The following CADPS2 variants were observed in gnomAD, a reference collection of about 807,000 sequenced individuals.
CADPS2 encodes the protein calcium-dependent secretion activator 2.
In CADPS2, 93 loss-of-function variants were observed where a neutral mutation model predicts 172.5. The observed-to-expected ratio is 0.54, with a 90% CI of 0.46 to 0.64. The LOEUF (loss-of-function observed/expected upper bound fraction) is 0.64. Among genes scored for constraint, CADPS2 ranks in the 30% least tolerant of loss-of-function variants. The pLI, the probability that CADPS2 is intolerant of heterozygous loss-of-function variation, is 0.00. For missense variants in CADPS2, 1,420 were observed against 1,565.9 expected, an observed-to-expected ratio of 0.91 and a Z score of 1.57; for synonymous variants, 546 against 555.2, an observed-to-expected ratio of 0.98 and a Z score of 0.23.
chr7:122,421,335 C>A (rs1437117753), intron 17 of CADPS2, among the ~76,000 whole-genome samples: 1 of 152,084 alleles, frequency 6.6e-6, no homozygotes, highest in Non-Finnish European at 1.5e-5. Context: ...ATTTAATGAG[C>A]TGATTGTATC....
At chr7:122,386,676 A>T (rs2043725100) in intron 24 of CADPS2, among the ~76,000 whole-genome samples, 1 of 152,096 alleles carries the variant, frequency 6.6e-6, no homozygotes, top group Admixed American at 6.6e-5. Context: ...ACTTTTATAG[A>T]TGCAAACTCT....
intron 8 of CADPS2, among the ~76,000 whole-genome samples, chr7:122,540,917 GA>G (rs1217013285): frequency 6.6e-6 from 1 of 151,952 alleles, no homozygotes; most frequent in Non-Finnish European, 1.5e-5. Context: ...TTTTAATTAA[GA>G]AATAATTTTT....
At chr7:122,698,583 G>A in intron 2 of CADPS2, 1 of 1,614,046 alleles carries the variant, frequency 6.2e-7, no homozygotes, top group Non-Finnish European at 8.5e-7. Flanking sequence ...TTTTCTGTGT[G>A]AAGGTACAAC....
At chr7:122,772,345 C>G (rs1355128398) in intron 1 of CADPS2, among the ~76,000 whole-genome samples, 1 of 152,072 alleles carries the variant, frequency 6.6e-6, no homozygotes, top group Non-Finnish European at 1.5e-5. Context: ...CATTTTGAAA[C>G]CATAAACTGA....
intron 19 of CADPS2, among the ~76,000 whole-genome samples, chr7:122,409,853 G>C (rs1436056481): frequency 6.6e-6 from 1 of 152,146 alleles, no homozygotes; most frequent in Non-Finnish European, 1.5e-5. Context: ...CCACCAGGGA[G>C]GAGAAAACCT....
At chr7:122,664,961 ATTTTT>A (rs3034542) in intron 2 of CADPS2, among the ~76,000 whole-genome samples, 13 of 135,578 alleles carry the variant, frequency 9.6e-5, no homozygotes, top group South Asian at 2.4e-4. Context: ...TAGTTTTTGT[ATTTTT>A]TTTTTTTTTT....
At chr7:122,385,413 T>C (rs547768062) in intron 24 of CADPS2, among the ~76,000 whole-genome samples, 1 of 151,980 alleles carries the variant, frequency 6.6e-6, no homozygotes, top group Non-Finnish European at 1.5e-5. Flanking sequence ...TCACAAGTAG[T>C]AGGCCTTCCC....
At chr7:122,420,432 T>G (rs966130713) in intron 17 of CADPS2, among the ~76,000 whole-genome samples, 2 of 152,248 alleles carry the variant, frequency 1.3e-5, no homozygotes, top group Non-Finnish European at 2.9e-5. Flanking sequence ...TTGAACATAA[T>G]AGCCACTCTA....
intron 1 of CADPS2, among the ~76,000 whole-genome samples, chr7:122,823,812 T>C (rs1262213508): frequency 3.3e-5 from 5 of 152,178 alleles, no homozygotes; most frequent in Non-Finnish European, 7.3e-5. Flanking sequence ...TTGGCACCTG[T>C]TCACCCTTCT....
intron 9 of CADPS2, among the ~76,000 whole-genome samples, chr7:122,503,639 T>C (rs1489803746): frequency 6.6e-6 from 1 of 152,214 alleles, no homozygotes; most frequent in African/African-American, 2.4e-5. Context: ...AATAGTAAGT[T>C]ACTGAATTTA....
At chr7:122,841,765 TAAG>T (rs1310809603) in intron 1 of CADPS2, among the ~76,000 whole-genome samples, 2 of 152,204 alleles carry the variant, frequency 1.3e-5, no homozygotes, top group East Asian at 1.9e-4. Flanking sequence ...AAAACCATTC[TAAG>T]AAGGAAGAAC....
At chr7:122,621,307 A>AATTTGCATTC (rs1435659991) in intron 5 of CADPS2, among the ~76,000 whole-genome samples, 174 bp downstream of exon 5, 1 of 152,178 alleles carries the variant, frequency 6.6e-6, no homozygotes, top group East Asian at 1.9e-4. Context: ...TTTAAAGGAA[A>AATTTGCATTC]ATTTGCATTC....
chr7:122,396,547 C>T (rs1389220688), intron 20 of CADPS2, among the ~76,000 whole-genome samples: 3 of 152,178 alleles, frequency 2.0e-5, no homozygotes, highest in South Asian at 2.1e-4. Context: ...AAAGCCTGAG[C>T]ATGGTATGAA....
chr7:122,384,862 C>G (rs765681151), intron 24 of CADPS2, among the ~76,000 whole-genome samples: 1 of 152,038 alleles, frequency 6.6e-6, no homozygotes, highest in Non-Finnish European at 1.5e-5. Context: ...TTAAGTACTA[C>G]AGCAAGTTGT....
chr7:122,629,855 T>C (rs2076410866), intron 3 of CADPS2, among the ~76,000 whole-genome samples: 1 of 152,160 alleles, frequency 6.6e-6, no homozygotes, highest in South Asian at 2.1e-4. Flanking sequence ...AATCCTTCCA[T>C]TCTTTTAAGG....
intron 2 of CADPS2, among the ~76,000 whole-genome samples, chr7:122,675,430 C>T (rs780839765): frequency 1.6e-4 from 24 of 152,140 alleles, no homozygotes; most frequent in African/African-American, 2.4e-4. Flanking sequence ...CTTTCATTTC[C>T]AGTTATTTTT....
chr7:122,589,847 T>A (rs1171655741), intron 6 of CADPS2, among the ~76,000 whole-genome samples: 2 of 151,924 alleles, frequency 1.3e-5, no homozygotes, highest in African/African-American at 4.8e-5. Flanking sequence ...TATACATGTA[T>A]CTCTATGCTT....
intron 24 of CADPS2, among the ~76,000 whole-genome samples, chr7:122,385,713 T>C (rs1438343670): frequency 6.6e-6 from 1 of 152,174 alleles, no homozygotes; most frequent in African/African-American, 2.4e-5. Context: ...GCCTCTTCCT[T>C]ACCTCTGATG....
At chr7:122,875,883 T>G (rs1468773780) in intron 1 of CADPS2, among the ~76,000 whole-genome samples, 1 of 152,100 alleles carries the variant, frequency 6.6e-6, no homozygotes, top group Non-Finnish European at 1.5e-5. Context: ...AGAGAACCAC[T>G]CTCTCACGTC....
Sources: allele counts gnomAD v4.1 joint callset (sites outside exome capture counted in the v4.1 genomes callset), GRCh38; gene constraint gnomAD v4.1.1; transcripts MANE v1.5; gene names NCBI Gene and HGNC (gene_info 2026-07-23, HGNC 2026-07-21).